The following SPG11 variants were observed in gnomAD, a reference collection of about 807,000 sequenced individuals.
SPG11 encodes the protein spatacsin.
Under a neutral mutation model 274.0 loss-of-function variants are expected in SPG11, and 222 were observed. The ratio of observed to expected loss-of-function variants is 0.81; its 90% CI spans 0.73 to 0.91. SPG11 has a LOEUF of 0.91. Ranked by LOEUF, SPG11 falls within the 40% of genes least tolerant of loss-of-function variation. The probability of loss-of-function intolerance (pLI) is 0.00; values close to 1 mark genes in which losing one functional copy is unlikely to be tolerated. For synonymous variants in SPG11, 1,144 were observed against 1,039.7 expected (o/e 1.10, Z -1.93); for missense variants, 3,114 against 2,872.7 (o/e 1.08, Z -1.92).
intron 8 of SPG11, among the ~76,000 whole-genome samples, chr15:44,631,148 G>A (rs950788969): frequency 1.3e-5 from 2 of 151,996 alleles, no homozygotes; most frequent in Non-Finnish European, 1.5e-5. Flanking sequence ...AGTAATATAA[G>A]TAAATGATTA....
chr15:44,654,418 G>A (rs1192760934), intron 4 of SPG11, among the ~76,000 whole-genome samples: 3 of 152,094 alleles, frequency 2.0e-5, no homozygotes, highest in Non-Finnish European at 4.4e-5. Context: ...TGAGACACGA[G>A]AATCACTTGA....
Position 44,620,363 on chromosome 15 carries a change from G to A in SPG11, c.2661C>T (p.Leu887=), listed in dbSNP as rs2141024751. ...TGTTTAACCAATCATGGCGAGCTGTGAGGTATCTCCAGAGGGCTTCAGGGG... is the reference window on the plus strand; with the variant it reads ...TGTTTAACCAATCATGGCGAGCTGTAAGGTATCTCCAGAGGGCTTCAGGGG... ...SYSPEALWRY[L]TARHDWLNII... is the part of the protein sequence containing the mutation. Residue 887 remains leucine (L), a synonymous_variant, in exon 15 of 40, where the codon CTC becomes CTT. Transcript: ENST00000261866. 2 of 1,614,014 alleles carry A rather than the reference G, an allele frequency of 1.2e-6. No homozygotes were observed. Among genetic ancestry groups the A allele is most frequent in the Non-Finnish European group, 1.7e-6 (2 of 1,179,988 alleles).
chr15:44,569,605 C>T, intron 34 of SPG11, 100 bp from the exon 35 acceptor site: 1 of 889,716 alleles, frequency 1.1e-6, no homozygotes, highest in Non-Finnish European at 1.8e-6. Context: ...TGCCAAGCTC[C>T]AGGAGGAGAA....
chr15:44,587,091 G>A (rs994844406), intron 28 of SPG11, among the ~76,000 whole-genome samples: 4 of 152,174 alleles, frequency 2.6e-5, no homozygotes, highest in African/African-American at 7.2e-5. Context: ...CCAGAACTTT[G>A]GGAGACCAAG....
chr15:44,596,472 G>C (rs2083042034), intron 24 of SPG11, 117 bp from the exon 25 acceptor site: 2 of 1,163,628 alleles, frequency 1.7e-6, no homozygotes, highest in Non-Finnish European at 1.2e-6. Flanking sequence ...CTAAGTCAGA[G>C]TGACTATTAT....
At chr15:44,660,319 CTA>C in intron 2 of SPG11, 111 bp downstream of exon 2, 1 of 886,338 alleles carries the variant, frequency 1.1e-6, no homozygotes, top group Non-Finnish European at 1.8e-6. Flanking sequence ...CTAGTGACTA[CTA>C]TATCAGACAG....
chr15:44,638,404 G>C (rs1409713464), intron 7 of SPG11, among the ~76,000 whole-genome samples: 1 of 151,944 alleles, frequency 6.6e-6, no homozygotes, highest in African/African-American at 2.4e-5. Flanking sequence ...AGGCTACGGT[G>C]AGCCAAGATC....
In SPG11 at chr15:44,573,625, C is replaced by T. The variant is rs1397780752; in HGVS notation, c.6127G>A (p.Gly2043Ser). Residue 2043 changes from glycine to serine, a missense_variant, in exon 32 of 40, where the codon GGC becomes AGC. Coordinates refer to ENST00000261866, the MANE Select transcript of SPG11 (RefSeq NM_025137.4). ...KRAQAFISTQ[G>S]LKPDTVAELV... ...TCAGCCACAGTATCTGGCTTAAGGC[C>T]CTGTGTGCTGATGAAGGCCTGGGCT... The T allele has an allele frequency of 6.2e-7, 1 of 1,614,162 alleles. No homozygotes were observed. Among genetic ancestry groups the T allele is most frequent in the South Asian group, 1.1e-5 (1 of 91,084 alleles).
At chr15:44,576,724 T>C (rs1239440621) in intron 30 of SPG11, among the ~76,000 whole-genome samples, 3 of 152,174 alleles carry the variant, frequency 2.0e-5, no homozygotes, top group Non-Finnish European at 4.4e-5. Context: ...TGATGTAATC[T>C]CATTTTTTGT....
intron 30 of SPG11, 26 bp from the exon 31 acceptor site, chr15:44,575,067 G>T: frequency 6.2e-7 from 1 of 1,613,014 alleles, no homozygotes; most frequent in African/African-American, 1.3e-5. Context: ...AGTCTGAGGG[G>T]CTCTAAGCTG....
intron 21 of SPG11, among the ~76,000 whole-genome samples, chr15:44,599,541 G>A (rs1281131028): frequency 1.3e-5 from 2 of 152,006 alleles, no homozygotes; most frequent in East Asian, 1.9e-4. Flanking sequence ...GTTGTGATCC[G>A]CCCACCTTGG....
In SPG11 at chr15:44,663,581, C is replaced by T. The variant is rs1450976262; in HGVS notation, c.67G>A (p.Gly23Arg). 6.3e-7 allele frequency: 1 copy of T among 1,596,870 alleles called. No homozygotes were observed. The highest frequency in any genetic ancestry group is 8.5e-7 in the Non-Finnish European group (1 of 1,174,298). The change falls in exon 1 of 40, where the codon GGG (glycine) becomes AGG (arginine). Residue 23 changes from glycine (G) to arginine (R), a missense_variant. Gly to Arg is a moderately radical substitution (Grantham distance 125). Coordinates refer to ENST00000261866, the MANE Select transcript of SPG11 (RefSeq NM_025137.4). The stretch of plus-strand genomic sequence containing the variant: ...ACCAACAGCATCGGTAGAACCCGCC[C>T]CATGGCCGCGGTGCCCCAGCTACCG... ...AGGSWGTAAM[G>R]RVLPMLLVPV...
At chr15:44,652,313 C>T in intron 4 of SPG11, 47 bp from the exon 5 acceptor site, 5 of 1,606,064 alleles carry the variant, frequency 3.1e-6, no homozygotes, top group Non-Finnish European at 4.3e-6. Context: ...GATGATCAAA[C>T]CCAAATTTGT....
chr15:44,569,526 T>TGTGAGCATGTGGG, intron 34 of SPG11, 21 bp from the exon 35 acceptor site: 1 of 1,544,374 alleles, frequency 6.5e-7, no homozygotes, highest in Non-Finnish European at 8.8e-7. Flanking sequence ...GGAGGACAGC[T>TGTGAGCATGTGGG]CGCATCAGCA....
At position 44,663,593 on chromosome 15, in the gene SPG11, T is replaced by G. The variant is rs1457285645; in HGVS notation, c.55A>C (p.Thr19Pro). The change falls in exon 1 of 40, where the codon ACC (threonine) becomes CCC (proline). Residue 19 changes from threonine to proline, a missense_variant. Transcript: ENST00000261866. Reference protein sequence around the residue: ...SAASAGGSWGTAAMGRVLPML... With the variant: ...SAASAGGSWGPAAMGRVLPML... ...GGTAGAACCCGCCCCATGGCCGCGG[T>G]GCCCCAGCTACCGCCGGCGGAAGCA... 1.3e-6 allele frequency: 2 copies of G among 1,596,296 alleles called. No individual in the cohort carries two copies. Among genetic ancestry groups the G allele is most frequent in the Non-Finnish European group, 1.7e-6 (2 of 1,174,642 alleles).
At chr15:44,599,108 C>T (rs944845754) in intron 21 of SPG11, among the ~76,000 whole-genome samples, 1 of 152,154 alleles carries the variant, frequency 6.6e-6, no homozygotes, top group African/African-American at 2.4e-5. Context: ...TTCATCAAGA[C>T]ATGAAGTACA....
chr15:44,598,396 A>G (rs2083098918), intron 22 of SPG11, 23 bp from the exon 23 acceptor site: 7 of 1,597,634 alleles, frequency 4.4e-6, no homozygotes, highest in Non-Finnish European at 6.0e-6. Flanking sequence ...TAAACAACAA[A>G]ATATGGTGAA....
intron 7 of SPG11, among the ~76,000 whole-genome samples, chr15:44,641,664 TCCATCATA>T (rs1395556261): frequency 1.5e-5 from 2 of 131,682 alleles, no homozygotes; most frequent in Non-Finnish European, 3.2e-5. Flanking sequence ...CAAATGAAAA[TCCATCATA>T]CCATCATACT....
chr15:44,578,042 T>G (rs2082579347), intron 30 of SPG11, among the ~76,000 whole-genome samples: 1 of 144,594 alleles, frequency 6.9e-6, no homozygotes, highest in Admixed American at 6.8e-5. Flanking sequence ...TTTTTTTTTT[T>G]GAGACGGAGT....
Sources: gnomAD v4.1 joint callset for allele counts (sites outside exome capture counted in the v4.1 genomes callset) on GRCh38, gnomAD v4.1.1 for gene constraint, MANE v1.5 for transcripts, NCBI Gene and HGNC (gene_info 2026-07-23, HGNC 2026-07-21) for gene names.